The following ZBTB16 variants were observed in gnomAD, a reference collection of about 807,000 sequenced individuals.
The protein encoded by ZBTB16 is zinc finger and BTB domain-containing protein 16.
Under a neutral mutation model 56.8 loss-of-function variants are expected in ZBTB16, and 8 were observed. The observed-to-expected ratio is 0.14, with a 90% CI of 0.08 to 0.25. ZBTB16 has a LOEUF of 0.25. Ranked by LOEUF, ZBTB16 falls within the 10% of genes least tolerant of loss-of-function variation. The pLI is 1.00. For missense variants in ZBTB16, 625 were observed against 903.0 expected (o/e 0.69, Z 3.95); for synonymous variants, 363 against 368.5 (o/e 0.98, Z 0.17).
rs115219101 is a variant in ZBTB16, at chr11:114,254,742, C to T, written c.*4187C>T. ...ACCTCCTCCTTCCTGGAGCCTCTGC[C>T]GGCTTGGCTGTAATGGTGGCACTTA... On this transcript the variant is annotated 3_prime_UTR_variant, in exon 7 of 7. Coordinates refer to ENST00000335953, the MANE Select transcript of ZBTB16 (RefSeq NM_006006.6). Among the ~76,000 whole-genome samples the T allele has an allele frequency of 1.7e-4, 26 of 152,316 alleles. 1 individual carries two copies. The highest frequency in any genetic ancestry group is 4.8e-4 in the African/African-American group (20 of 41,576).
intron 2 of ZBTB16, among the ~76,000 whole-genome samples, chr11:114,154,910 G>A (rs1942369275): frequency 6.6e-6 from 1 of 152,200 alleles, no homozygotes; most frequent in Non-Finnish European, 1.5e-5. Context: ...CATGCTGTGG[G>A]AGCCCATTGA....
At chr11:114,065,473 A>G (rs1251298458) in intron 2 of ZBTB16, among the ~76,000 whole-genome samples, 2 of 151,886 alleles carry the variant, frequency 1.3e-5, no homozygotes, top group South Asian at 2.1e-4. Flanking sequence ...CTGGAGTGCA[A>G]TGGTGTGATC....
intron 3 of ZBTB16, among the ~76,000 whole-genome samples, chr11:114,157,929 A>G (rs7938002): frequency 0.057 from 8,657 of 151,688 alleles, 835 homozygotes; most frequent in African/African-American, 0.2. Context: ...CCTCCTGCCC[A>G]TGTGTCTCAC....
intron 4 of ZBTB16, among the ~76,000 whole-genome samples, chr11:114,204,751 A>G (rs1943817880): frequency 6.6e-6 from 1 of 152,082 alleles, no homozygotes; most frequent in Non-Finnish European, 1.5e-5. Flanking sequence ...CCCGCCAAGC[A>G]GTTTTGCAGT....
intron 4 of ZBTB16, among the ~76,000 whole-genome samples, chr11:114,190,730 T>TATATAC (rs1404711208): frequency 0.031 from 4,393 of 143,412 alleles, 214 homozygotes; most frequent in African/African-American, 0.1. Flanking sequence ...CTCTCTCTCA[T>TATATAC]ACACACACAC....
At chr11:114,210,846 C>T (rs565989693) in intron 4 of ZBTB16, 15 of 211,826 alleles carry the variant, frequency 7.1e-5, no homozygotes, top group African/African-American at 3.4e-4. Context: ...GATGTAAAAA[C>T]TCTTTCTCCT....
At chr11:114,067,793 T>TG (rs1179417547) in intron 2 of ZBTB16, among the ~76,000 whole-genome samples, 1 of 152,014 alleles carries the variant, frequency 6.6e-6, no homozygotes, top group East Asian at 1.9e-4. Context: ...ATGGGAAGCT[T>TG]GGGGGTCTAA....
intron 2 of ZBTB16, among the ~76,000 whole-genome samples, chr11:114,148,469 C>CTTTCTTTCTTTCTTTCTTTCTTTCTT (rs1555144001): frequency 3.3e-4 from 20 of 60,966 alleles, no homozygotes; most frequent in South Asian, 7.3e-4. Context: ...CTCTCTCTCT[C>CTTTCTTTCTTTCTTTCTTTCTTTCTT]TCTTTCTTTC....
At position 114,063,083 on chromosome 11, in the gene ZBTB16, T is replaced by TG. The variant is rs1029805770; in HGVS notation, c.-90-127dup. 6.7e-6 allele frequency: 4 copies of TG among 592,902 alleles called. No individual in the cohort carries two copies. Among genetic ancestry groups the TG allele is most frequent in the African/African-American group, 1.9e-5 (1 of 53,758 alleles). 36.7% of individuals were successfully genotyped at this position (592,902 alleles called of 1,614,324 possible). ...TCAATTAAAATCTCTAAGATCCTCTTGCTAAGGGCTTGGCAACAGGGAGGA... is the reference window on the plus strand; with the variant it reads ...TCAATTAAAATCTCTAAGATCCTCTTGGCTAAGGGCTTGGCAACAGGGAGGA... On this transcript the variant is annotated intron_variant, in intron 1 of 6. Transcript: ENST00000335953. The surrounding 1 kb of genome is among the most constrained non-coding windows in gnomAD (Gnocchi z 6.5).
intron 2 of ZBTB16, among the ~76,000 whole-genome samples, chr11:114,129,751 G>A (rs1465288913): frequency 2.0e-5 from 3 of 152,242 alleles, no homozygotes; most frequent in Non-Finnish European, 4.4e-5. Flanking sequence ...CAATGACGCT[G>A]CGCCTCCTAC....
At chr11:114,227,107 G>C (rs1239957069) in intron 4 of ZBTB16, among the ~76,000 whole-genome samples, 3 of 152,156 alleles carry the variant, frequency 2.0e-5, no homozygotes, top group Non-Finnish European at 4.4e-5. Flanking sequence ...AAGGTGGCCT[G>C]GTGAGCCCAG....
intron 3 of ZBTB16, among the ~76,000 whole-genome samples, chr11:114,166,605 G>GC (rs1381642501): frequency 1.3e-5 from 2 of 152,118 alleles, no homozygotes; most frequent in African/African-American, 4.8e-5. Context: ...AACTAAATGA[G>GC]CTCATCATAT....
chr11:114,083,366 A>G (rs2137703169), intron 2 of ZBTB16, among the ~76,000 whole-genome samples: 1 of 152,256 alleles, frequency 6.6e-6, no homozygotes, highest in South Asian at 2.1e-4. Context: ...CCTGCCCGAA[A>G]CCCACTGGCC....
intron 4 of ZBTB16, among the ~76,000 whole-genome samples, chr11:114,191,966 G>A (rs759344579): frequency 6.6e-6 from 1 of 152,182 alleles, no homozygotes; most frequent in African/African-American, 2.4e-5. Context: ...CATAGAGAGT[G>A]TTGTCATGTA....
intron 2 of ZBTB16, among the ~76,000 whole-genome samples, chr11:114,126,069 T>A (rs1941500709): frequency 1.3e-5 from 2 of 152,178 alleles, no homozygotes; most frequent in South Asian, 4.1e-4. Context: ...CTGCTCCTGT[T>A]AAATGTGTCC....
intron 4 of ZBTB16, among the ~76,000 whole-genome samples, chr11:114,216,177 C>A (rs1001324517): frequency 6.6e-6 from 1 of 152,176 alleles, no homozygotes. Flanking sequence ...CCCAGTGCAC[C>A]CTTTCCCTTG....
At chr11:114,192,997 A>T (rs1006338185) in intron 4 of ZBTB16, among the ~76,000 whole-genome samples, 1 of 152,182 alleles carries the variant, frequency 6.6e-6, no homozygotes, top group African/African-American at 2.4e-5. Context: ...CCCCAGACAT[A>T]TGGAGCACCC....
At chr11:114,088,441 C>G (rs904787395) in intron 2 of ZBTB16, among the ~76,000 whole-genome samples, 1 of 152,134 alleles carries the variant, frequency 6.6e-6, no homozygotes, top group Non-Finnish European at 1.5e-5. Flanking sequence ...TGTGCCCGGC[C>G]TGGATCTTTT....
At chr11:114,065,893 G>A (rs906402214) in intron 2 of ZBTB16, among the ~76,000 whole-genome samples, 9 of 152,160 alleles carry the variant, frequency 5.9e-5, no homozygotes, top group South Asian at 2.1e-4. Flanking sequence ...GGAACAGAGC[G>A]TTTTGAAGAT....
Sources: allele counts gnomAD v4.1 joint callset (sites outside exome capture counted in the v4.1 genomes callset), GRCh38; gene constraint gnomAD v4.1.1; non-coding constraint Gnocchi (gnomAD v3.1); transcripts MANE v1.5; gene names NCBI Gene and HGNC (gene_info 2026-07-23, HGNC 2026-07-21).